The following TENM3 variants were observed in gnomAD, a reference collection of about 807,000 sequenced individuals.
The protein encoded by TENM3 is teneurin-3.
Under a neutral mutation model 255.1 loss-of-function variants are expected in TENM3, and 63 were observed. That is an observed-to-expected ratio of 0.25 (90% CI 0.20 to 0.30). The LOEUF (loss-of-function observed/expected upper bound fraction) is 0.30. Among genes scored for constraint, TENM3 ranks in the 10% least tolerant of loss-of-function variants. TENM3 has a pLI of 1.00. For missense variants in TENM3, 2,929 were observed against 3,461.1 expected, an observed-to-expected ratio of 0.85 and a Z score of 3.86; for synonymous variants, 1,306 against 1,322.3, an observed-to-expected ratio of 0.99 and a Z score of 0.27.
chr4:182,030,172 C>T, the TENM3 span, among the ~76,000 whole-genome samples: 1 of 151,912 alleles, frequency 6.6e-6, no homozygotes, highest in Non-Finnish European at 1.5e-5. Context: ...CACCTATCAA[C>T]CCGTTACCTA....
chr4:182,290,080 ACT>A (rs375682878), intron 1 of TENM3, among the ~76,000 whole-genome samples: 75 of 151,766 alleles, frequency 4.9e-4, no homozygotes, highest in African/African-American at 1.7e-3. Flanking sequence ...GGGGCTAATC[ACT>A]CTGTATGTTA....
rs140575890 is a variant in TENM3 at position 182,260,133 on chromosome 4, A to G, written c.-76+16657A>G. The stretch of plus-strand genomic sequence containing the variant: ...TGGACTAAATTTTCTTTATCCATTC[A>G]TCTGTTGATGGACACTTAGGGCGAT... On this transcript the variant is annotated intron_variant, in intron 1 of 27. Transcript: ENST00000511685. Among the ~76,000 whole-genome samples the G allele has an allele frequency of 2.7e-3, 405 of 152,308 alleles. 4 individuals are homozygous for G. The highest frequency in any genetic ancestry group is 9.0e-3 in the African/African-American group (374 of 41,564).
At chr4:182,797,238 G>A (rs1403578191) in intron 27 of TENM3, among the ~76,000 whole-genome samples, 1 of 152,042 alleles carries the variant, frequency 6.6e-6, no homozygotes, top group South Asian at 2.1e-4. Flanking sequence ...TCGGGAGTTC[G>A]AGACCAGCCT....
intron 19 of TENM3, among the ~76,000 whole-genome samples, chr4:182,747,507 C>G (rs535533641): frequency 5.9e-5 from 9 of 152,310 alleles, no homozygotes; most frequent in Non-Finnish European, 1.0e-4. Context: ...ATGTACCAAA[C>G]ATTTCCTTCT....
rs755673618 is a variant in TENM3, at chr4:182,792,749, G to A, written c.6077G>A (p.Arg2026Gln). 4 of 1,613,886 alleles carry A rather than the reference G, an allele frequency of 2.5e-6. No homozygotes were observed. Among genetic ancestry groups the A allele is most frequent in the Non-Finnish European group, 3.4e-6 (4 of 1,179,890 alleles). ...GACTATAGCTATGACAACAGCTTTC[G>A]AGTGACCAGCATGCAGGGTGTGATC... ...RFDYSYDNSF[R>Q]VTSMQGVINE... Residue 2026 changes from arginine to glutamine, a missense_variant, in exon 26 of 28, where the codon CGA becomes CAA. By Grantham distance (43) the Arg-to-Gln change is conservative. This residue lies in a region of TENM3 where 303 missense variants were observed against 425.2 expected (regional missense o/e 0.71). Transcript: ENST00000511685. This position sits in a 1 kb window ranked among gnomAD's most constrained non-coding sequence, Gnocchi z 6.3.
chr4:182,057,739 C>A, the TENM3 span, among the ~76,000 whole-genome samples: 1 of 152,056 alleles, frequency 6.6e-6, no homozygotes, highest in Non-Finnish European at 1.5e-5. Context: ...TCATGTGGTT[C>A]TCTTCCTACC....
Position 182,744,088 on chromosome 4 carries a change from G to C in TENM3, c.3629+669G>C, listed in dbSNP as rs985967088. 16 of 507,134 alleles carry C rather than the reference G, an allele frequency of 3.2e-5. No homozygotes were observed. The African/African-American group carries it at 4.8e-4, about 15-fold the overall frequency. 31.4% of individuals were successfully genotyped at this position (507,134 alleles called of 1,614,324 possible). A position where few individuals can be genotyped will look rare whatever the true frequency, so the allele number is the denominator to read the frequency against. ...TATTTTAGAAGGCTTTTCTAACTGT[G>C]CTTTCTTTTTTTTTTTTTTTTTTTT... On this transcript the variant is annotated intron_variant, in intron 19 of 27. Coordinates refer to ENST00000511685, the MANE Select transcript of TENM3 (RefSeq NM_001080477.4).
At chr4:181,724,806 C>T in the TENM3 span, among the ~76,000 whole-genome samples, 1 of 152,096 alleles carries the variant, frequency 6.6e-6, no homozygotes. Context: ...CCTTTTATTG[C>T]AATTTCATGT....
the TENM3 span, among the ~76,000 whole-genome samples, chr4:181,469,989 C>T: frequency 6.6e-6 from 1 of 151,644 alleles, no homozygotes; most frequent in Non-Finnish European, 1.5e-5. Flanking sequence ...CATGATTCAT[C>T]TCAGATCATA....
the TENM3 span, among the ~76,000 whole-genome samples, chr4:181,820,834 T>G: frequency 2.0e-5 from 3 of 152,208 alleles, no homozygotes; most frequent in African/African-American, 7.2e-5. Flanking sequence ...CTCATGTTTT[T>G]CCCTTATGTA....
At chr4:182,780,236 G>C (rs1254018668) in intron 24 of TENM3, among the ~76,000 whole-genome samples, 2 of 148,418 alleles carry the variant, frequency 1.3e-5, no homozygotes, top group Non-Finnish European at 3.0e-5. Flanking sequence ...TTTTGTATAA[G>C]GTGTAAGGAA....
At chr4:181,894,030 T>C in the TENM3 span, among the ~76,000 whole-genome samples, 1 of 143,572 alleles carries the variant, frequency 7.0e-6, no homozygotes, top group Admixed American at 6.9e-5. Flanking sequence ...TTTTGAGAAG[T>C]TGAAAAAAAA....
At chr4:182,590,804 G>A (rs1021803686) in intron 3 of TENM3, among the ~76,000 whole-genome samples, 18 of 149,894 alleles carry the variant, frequency 1.2e-4, no homozygotes, top group Admixed American at 2.7e-4. Context: ...AGCTGAGATT[G>A]CACCACTGCA....
At position 182,793,906 on chromosome 4, in the gene TENM3, C is replaced by G. The variant is rs188228807; in HGVS notation, c.7213+21C>G. 6 of 1,570,672 alleles carry G rather than the reference C, an allele frequency of 3.8e-6. No individual in the cohort carries two copies. The Admixed American group carries it at 1.1e-4, about 29-fold the overall frequency. ...CACAGGTAAGCATTTTGATTCCTTC[C>G]CAAGAGCTGGAGGACTACCATCATT... On this transcript the variant is annotated intron_variant, in intron 26 of 27. Coordinates refer to ENST00000511685, the MANE Select transcript of TENM3 (RefSeq NM_001080477.4). The surrounding 1 kb of genome is among the most constrained non-coding windows in gnomAD (Gnocchi z 5.7).
At chr4:181,694,729 A>G in the TENM3 span, among the ~76,000 whole-genome samples, 1 of 152,212 alleles carries the variant, frequency 6.6e-6, no homozygotes, top group Non-Finnish European at 1.5e-5. Flanking sequence ...AATGGAATAC[A>G]CAGAGCTTTG....
intron 12 of TENM3, among the ~76,000 whole-genome samples, chr4:182,703,338 G>T (rs983865664): frequency 2.6e-5 from 4 of 152,190 alleles, no homozygotes; most frequent in African/African-American, 9.7e-5. Context: ...AACAAAAAAT[G>T]GTTTGAGGAA....
chr4:182,298,105 A>G (rs565203826), intron 1 of TENM3, among the ~76,000 whole-genome samples: 8 of 152,300 alleles, frequency 5.3e-5, no homozygotes, highest in African/African-American at 1.7e-4. Flanking sequence ...TCACTGTTCT[A>G]CATTTTAGGA....
the TENM3 span, among the ~76,000 whole-genome samples, chr4:181,988,624 C>G: frequency 6.6e-6 from 1 of 152,072 alleles, no homozygotes; most frequent in Non-Finnish European, 1.5e-5. Flanking sequence ...AAATTATTCA[C>G]TTAAATTTCA....
In TENM3 at chr4:182,793,597, A is replaced by G; in HGVS notation, c.6925A>G (p.Asn2309Asp). Residue 2309 changes from asparagine to aspartate, a missense_variant, in exon 26 of 28, where the codon AAT becomes GAT. Asn to Asp is a conservative substitution (Grantham distance 23, BLOSUM62 1). Transcript: ENST00000511685. This position sits in a 1 kb window ranked among gnomAD's most constrained non-coding sequence, Gnocchi z 5.7. The part of the protein sequence containing the change: ...TGTPLAVFSS[N>D]GLMLKQIQYT... ...GACACCACTGGCTGTGTTCAGTAGC[A>G]ATGGGCTTATGCTGAAACAGATTCA... is the stretch of plus-strand genomic sequence containing the variant. The G allele has an allele frequency of 1.2e-6, 2 of 1,614,034 alleles. No individual in the cohort carries two copies. The highest frequency in any genetic ancestry group is 1.7e-6 in the Non-Finnish European group (2 of 1,179,882).
Sources: gnomAD v4.1 joint callset for allele counts (sites outside exome capture counted in the v4.1 genomes callset) on GRCh38, gnomAD v4.1.1 for gene constraint, gnomAD v4.1.1 regional missense constraint, Gnocchi (gnomAD v3.1) non-coding constraint, MANE v1.5 for transcripts, NCBI Gene and HGNC (gene_info 2026-07-23, HGNC 2026-07-21) for gene names.